The following MARCHF1 variants were observed in gnomAD, a reference collection of about 807,000 sequenced individuals.
The protein encoded by MARCHF1 is membrane associated ring-CH-type finger 1, also known as E3 ubiquitin-protein ligase MARCHF1.
In MARCHF1, 40 loss-of-function variants were observed where a neutral mutation model predicts 54.2. The ratio of observed to expected loss-of-function variants is 0.74; its 90% CI spans 0.57 to 0.96. MARCHF1 has a LOEUF of 0.96. Among genes scored for constraint, MARCHF1 ranks in the 40% least tolerant of loss-of-function variants. The pLI is 0.00. For missense variants in MARCHF1, 586 were observed against 656.5 expected (o/e 0.89, Z 1.17); for synonymous variants, 236 against 236.3 (o/e 1.00, Z 0.01).
At chr4:163,580,518 A>C (rs1364883400) in intron 8 of MARCHF1, among the ~76,000 whole-genome samples, 1 of 152,206 alleles carries the variant, frequency 6.6e-6, no homozygotes, top group Admixed American at 6.5e-5. Flanking sequence ...CAGAGAACAA[A>C]GAGAAACAAC....
intron 2 of MARCHF1, among the ~76,000 whole-genome samples, chr4:164,072,728 T>C (rs1754895463): frequency 6.7e-6 from 1 of 149,796 alleles, no homozygotes; most frequent in Admixed American, 6.7e-5. Context: ...AAAAAAAACT[T>C]CATTAGTGTT....
chr4:163,715,998 G>C (rs1745244066), intron 4 of MARCHF1, among the ~76,000 whole-genome samples: 1 of 152,168 alleles, frequency 6.6e-6, no homozygotes, highest in African/African-American at 2.4e-5. Flanking sequence ...TCAAGATAAT[G>C]CAAGAAGATG....
chr4:164,189,417 A>G, intron 1 of MARCHF1: 1 of 682,174 alleles, frequency 1.5e-6, no homozygotes, highest in Non-Finnish European at 2.7e-6. Flanking sequence ...AAGTGTTGGA[A>G]AATTCTGATT....
At chr4:163,857,871 A>G (rs1290630743) in intron 3 of MARCHF1, among the ~76,000 whole-genome samples, 1 of 151,534 alleles carries the variant, frequency 6.6e-6, no homozygotes, top group African/African-American at 2.4e-5. Flanking sequence ...GAAACAGAGA[A>G]GTAACCCAGT....
At chr4:163,666,412 C>T (rs1270624611) in intron 5 of MARCHF1, among the ~76,000 whole-genome samples, 1 of 152,086 alleles carries the variant, frequency 6.6e-6, no homozygotes, top group Non-Finnish European at 1.5e-5. Context: ...TAGTTACACC[C>T]AACCCCCTCA....
At chr4:163,616,636 T>C (rs942239388) in intron 5 of MARCHF1, among the ~76,000 whole-genome samples, 3 of 152,048 alleles carry the variant, frequency 2.0e-5, no homozygotes, top group African/African-American at 7.2e-5. Flanking sequence ...TCCGAGCTAC[T>C]TGGGAGGATG....
chr4:163,729,987 C>T (rs1420575657), intron 4 of MARCHF1, among the ~76,000 whole-genome samples: 1 of 151,958 alleles, frequency 6.6e-6, no homozygotes, highest in Non-Finnish European at 1.5e-5. Flanking sequence ...GAATTTGGGG[C>T]CATTATTTTT....
intron 4 of MARCHF1, among the ~76,000 whole-genome samples, chr4:163,701,590 TG>T (rs1232011705): frequency 6.6e-6 from 1 of 152,224 alleles, no homozygotes; most frequent in East Asian, 1.9e-4. Flanking sequence ...AGAGACATTG[TG>T]TTCCTGAAAA....
At chr4:163,591,141 C>T (rs1333820575) in intron 7 of MARCHF1, among the ~76,000 whole-genome samples, 1 of 151,642 alleles carries the variant, frequency 6.6e-6, no homozygotes. Context: ...CCACTATTGT[C>T]CCATTTTACT....
Position 163,644,482 on chromosome 4 carries a change from C to T in MARCHF1, c.163-31089G>A, listed in dbSNP as rs56912416. Among the ~76,000 whole-genome samples, 694 of 152,282 alleles carry T rather than the reference C, an allele frequency of 4.6e-3. 7 individuals are homozygous for T. The highest frequency in any genetic ancestry group is 0.015 in the African/African-American group (642 of 41,560). Reference sequence around the variant, plus strand: ...TATGGTCTGAGATCAGTTCTGTTAACGCAAGGACCCAGAGGGAGACACACC... The same window carrying T: ...TATGGTCTGAGATCAGTTCTGTTAATGCAAGGACCCAGAGGGAGACACACC... On this transcript the variant is annotated intron_variant, in intron 5 of 9. Transcript: ENST00000514618.
At chr4:163,766,179 G>A (rs1439403879) in intron 4 of MARCHF1, among the ~76,000 whole-genome samples, 1 of 151,920 alleles carries the variant, frequency 6.6e-6, no homozygotes, top group Non-Finnish European at 1.5e-5. Flanking sequence ...CGCCAGAGGT[G>A]TGGTGACACC....
intron 1 of MARCHF1, chr4:164,197,862 G>T (rs762737399): frequency 2.1e-5 from 29 of 1,368,256 alleles, no homozygotes; most frequent in Admixed American, 2.8e-5. Context: ...ATAATAAAGG[G>T]ACTGATAAGT....
chr4:164,126,296 C>A (rs1203130153), intron 1 of MARCHF1, among the ~76,000 whole-genome samples: 3 of 152,128 alleles, frequency 2.0e-5, no homozygotes, highest in African/African-American at 7.2e-5. Flanking sequence ...TTCCCTTCCA[C>A]CATGTCAGGA....
intron 4 of MARCHF1, among the ~76,000 whole-genome samples, chr4:163,814,253 A>C (rs886804647): frequency 3.3e-5 from 5 of 152,098 alleles, no homozygotes; most frequent in African/African-American, 1.2e-4. Context: ...GGGCTTCTGG[A>C]GCTTGGGGCC....
At position 163,739,124 on chromosome 4, in the gene MARCHF1, CATTT is replaced by C. The variant is rs539710989; in HGVS notation, c.112-38265_112-38262del. Reference sequence around the variant, plus strand: ...TATAATTTTATAGCATTTTGGCTTTCATTTATTTACTCTAAAAATTTTACACATG... The same window carrying C: ...TATAATTTTATAGCATTTTGGCTTTCATTTACTCTAAAAATTTTACACATG... On this transcript the variant is annotated intron_variant, in intron 4 of 9. Coordinates refer to ENST00000514618, the MANE Select transcript of MARCHF1 (RefSeq NM_001394959.1). Among the ~76,000 whole-genome samples the C allele has an allele frequency of 2.8e-4, 42 of 152,296 alleles. 1 individual carries two copies. In the South Asian group the frequency reaches 8.3e-3, roughly 30 times the overall value.
intron 5 of MARCHF1, among the ~76,000 whole-genome samples, chr4:163,643,276 C>T (rs1294295427): frequency 1.3e-5 from 2 of 150,824 alleles, no homozygotes; most frequent in African/African-American, 4.9e-5. Flanking sequence ...TGCAGTGAGC[C>T]GAGATGGCAC....
intron 2 of MARCHF1, among the ~76,000 whole-genome samples, chr4:164,091,083 G>A (rs1253328232): frequency 6.6e-6 from 1 of 152,054 alleles, no homozygotes; most frequent in Non-Finnish European, 1.5e-5. Flanking sequence ...TACCCAAATG[G>A]ACTGTGAAAG....
intron 4 of MARCHF1, among the ~76,000 whole-genome samples, chr4:163,815,818 A>C (rs755969079): frequency 1.1e-4 from 17 of 152,212 alleles, no homozygotes; most frequent in Non-Finnish European, 1.9e-4. Context: ...AAATCATAGA[A>C]GCCACCTGCT....
At chr4:163,891,590 G>A (rs1750662335) in intron 3 of MARCHF1, among the ~76,000 whole-genome samples, 1 of 151,800 alleles carries the variant, frequency 6.6e-6, no homozygotes, top group Non-Finnish European at 1.5e-5. Flanking sequence ...TGTCACCATT[G>A]CACATAGAAA....
Sources: gnomAD v4.1 joint callset for allele counts (sites outside exome capture counted in the v4.1 genomes callset) on GRCh38, gnomAD v4.1.1 for gene constraint, MANE v1.5 for transcripts, NCBI Gene and HGNC (gene_info 2026-07-23, HGNC 2026-07-21) for gene names.